The following TXNDC17 variants were observed in gnomAD, a reference collection of about 807,000 sequenced individuals.
TXNDC17 encodes the protein thioredoxin domain containing 17.
TXNDC17 carries 12 observed loss-of-function variants against 16.3 expected under a neutral mutation model. The observed-to-expected ratio is 0.74, with a 90% CI of 0.47 to 1.19. The LOEUF is 1.19. Among genes scored for constraint, TXNDC17 ranks in the 50% most tolerant of loss-of-function variants. The pLI is 0.00. For synonymous variants in TXNDC17, 62 were observed against 55.0 expected (o/e 1.13, Z -0.56); for missense variants, 158 against 149.7 (o/e 1.06, Z -0.29).
chr17:6,641,459 T>A (rs1972664585), intron 1 of TXNDC17: 7 of 648,136 alleles, frequency 1.1e-5, no homozygotes, highest in African/African-American at 5.5e-5. Context: ...AACTTCTCAC[T>A]CCCCCAGTAC....
chr17:6,642,557 CAT>C (rs1278514750), intron 3 of TXNDC17: 2 of 485,050 alleles, frequency 4.1e-6, no homozygotes, highest in East Asian at 6.9e-5. Flanking sequence ...TAGGTTGACT[CAT>C]AATTCCTTAA....
In TXNDC17 at chr17:6,643,022, T is replaced by G. The variant is rs1219257327; in HGVS notation, c.*3T>G. 2 of 1,612,932 alleles carry G rather than the reference T, an allele frequency of 1.2e-6. No homozygotes were observed. The highest frequency in any genetic ancestry group is 1.7e-6 in the Non-Finnish European group (2 of 1,179,162). Reference sequence around the variant, plus strand: ...AAATGTTGTTCTCTGAAGATTAAGATTTTAGGATGGCAATCATGTCTTGAT... The same window carrying G: ...AAATGTTGTTCTCTGAAGATTAAGAGTTTAGGATGGCAATCATGTCTTGAT... On this transcript the variant is annotated 3_prime_UTR_variant, in exon 4 of 4. Transcript: ENST00000250101.
intron 1 of TXNDC17, 172 bp downstream of exon 1, chr17:6,641,399 C>G: frequency 1.0e-6 from 1 of 979,422 alleles, no homozygotes; most frequent in East Asian, 2.6e-5. Flanking sequence ...GCCAAGAGCG[C>G]TCTTCCTTTT....
chr17:6,642,639 A>T, intron 3 of TXNDC17: 1 of 459,632 alleles, frequency 2.2e-6, no homozygotes, highest in Admixed American at 4.0e-5. Context: ...CATCTCTTCT[A>T]GTTCAGTCAT....
At chr17:6,642,000 G>T (rs1972686224) in intron 2 of TXNDC17, 166 bp downstream of exon 2, 1 of 735,930 alleles carries the variant, frequency 1.4e-6, no homozygotes, top group Admixed American at 2.5e-5. Flanking sequence ...CCTGAATTAA[G>T]TAAGGGTAAT....
chr17:6,641,149 A>G lies in TXNDC17; in HGVS notation c.67A>G (p.Asn23Asp). 6.2e-7 allele frequency: 1 copy of G among 1,613,834 alleles called. No homozygotes were observed. Among genetic ancestry groups the G allele is most frequent in the Non-Finnish European group, 8.5e-7 (1 of 1,180,016 alleles). Reference protein sequence around the residue: ...EEFHRAVEQHNGKTIFAYFTG... With the variant: ...EEFHRAVEQHDGKTIFAYFTG... ...GTTCCACCGGGCCGTGGAACAGCAC[A>G]ATGGCAAGACCATTTTCGCCTACTT... is the stretch of plus-strand genomic sequence containing the variant. The change falls in exon 1 of 4, where the codon AAT becomes GAT. Residue 23 changes from asparagine to aspartate, a missense_variant. Transcript: ENST00000250101.
In TXNDC17 at chr17:6,644,274, G is replaced by GAAAT. The variant is rs1972735927; in HGVS notation, c.*1256_*1259dup. The GAAAT allele has an allele frequency of 1.7e-6, 1 of 592,524 alleles. No homozygotes were observed. The highest frequency in any genetic ancestry group is 3.9e-5 in the Admixed American group (1 of 25,910). 36.7% of individuals were successfully genotyped at this position (592,524 alleles called of 1,614,324 possible). On this transcript the variant is annotated 3_prime_UTR_variant, in exon 4 of 4. Transcript: ENST00000250101. ...GAAAAACACCTTACAAATCCACAGG[G>GAAAT]AAATCAAAGAACAATTCAGGTTTAA...
At position 6,641,806 on chromosome 17, in the gene TXNDC17, A is replaced by G. The variant is rs1972678062; in HGVS notation, c.199A>G (p.Ile67Val). 6.2e-7 allele frequency: 1 copy of G among 1,614,044 alleles called. No individual in the cohort carries two copies. The highest frequency in any genetic ancestry group is 1.3e-5 in the African/African-American group (1 of 74,930). The change falls in exon 2 of 4, where the codon ATC (isoleucine) becomes GTC (valine). Residue 67 changes from isoleucine (I) to valine (V), a missense_variant. By Grantham distance (29) the Ile-to-Val change is conservative. Coordinates refer to ENST00000250101, the MANE Select transcript of TXNDC17 (RefSeq NM_032731.4). ...LKHISEGCVF[I>V]YCQVGEKPYW... The stretch of plus-strand genomic sequence containing the variant: ...GCACATTAGTGAAGGATGTGTGTTC[A>G]TCTACTGCCAAGTAGGAGAAAAGCC...
chr17:6,643,109 A>G lies in TXNDC17; in HGVS notation c.*90A>G, dbSNP rs1047822849. ...TGCTTTGAATTCATGTTAGCAATAA[A>G]TGATGTTAAAAAAACTGGCATGTGT... On this transcript the variant is annotated 3_prime_UTR_variant, in exon 4 of 4. Transcript: ENST00000250101. The G allele has an allele frequency of 4.9e-6, 6 of 1,218,300 alleles. No homozygotes were observed. Among genetic ancestry groups the G allele is most frequent in the East Asian group, 4.7e-5 (2 of 42,194 alleles). The allele number at this position is 1,218,300 out of a possible 1,614,324, so 75.5% of individuals were successfully genotyped here.
rs754654312 is a variant in TXNDC17 at position 6,641,211 on chromosome 17, C to T, written c.129C>T (p.Cys43=). 2.5e-6 allele frequency: 4 copies of T among 1,613,470 alleles called. No homozygotes were observed. The highest frequency in any genetic ancestry group is 1.1e-5 in the South Asian group (1 of 91,086). Residue 43 remains cysteine, a synonymous_variant, in exon 1 of 4, where the codon TGC becomes TGT. Coordinates refer to ENST00000250101, the MANE Select transcript of TXNDC17 (RefSeq NM_032731.4). ...AGGACGCCGGGGGGAAAAGCTGGTG[C>T]CCCGACTGCGTGCAGGGTGAGGCCG... ...GSKDAGGKSW[C]PDCVQAEPVV...
At chr17:6,641,668 C>T (rs1972671837) in intron 1 of TXNDC17, 85 bp from the exon 2 acceptor site, 8 of 1,334,114 alleles carry the variant, frequency 6.0e-6, no homozygotes, top group East Asian at 4.8e-5. Context: ...CTTACCAAGA[C>T]TGGGGGAAGG....
Position 6,642,955 on chromosome 17 carries a change from A to C in TXNDC17, c.308A>C (p.Gln103Pro). ...VPTLLKYGTP[Q>P]KLVESECLQA... ...TTGACTGTTTTTCTCTTACAGCCTC[A>C]AAAACTGGTAGAATCTGAGTGTCTT... The change falls in exon 4 of 4, where the codon CAA (glutamine) becomes CCA (proline). Residue 103 changes from glutamine (Q) to proline (P), a missense_variant. By Grantham distance (76) the Gln-to-Pro change is moderately conservative. Transcript: ENST00000250101. 1.2e-6 allele frequency: 2 copies of C among 1,612,920 alleles called. No homozygotes were observed. Among genetic ancestry groups the C allele is most frequent in the Non-Finnish European group, 1.7e-6 (2 of 1,179,126 alleles).
chr17:6,642,120 G>A (rs1158506752), intron 2 of TXNDC17, 129 bp from the exon 3 acceptor site: 14 of 703,598 alleles, frequency 2.0e-5, no homozygotes, highest in East Asian at 5.4e-5. Flanking sequence ...GCCATAGTCC[G>A]CAAGGTTTTT....
intron 2 of TXNDC17, 68 bp downstream of exon 2, chr17:6,641,902 AG>A: frequency 7.2e-7 from 1 of 1,386,248 alleles, no homozygotes; most frequent in South Asian, 1.2e-5. Flanking sequence ...GAAGGGCCTC[AG>A]GGACTTACTT....
intron 3 of TXNDC17, 149 bp from the exon 4 acceptor site, chr17:6,642,802 T>A (rs2150946492): frequency 1.6e-6 from 1 of 630,628 alleles, no homozygotes; most frequent in East Asian, 2.8e-5. Context: ...ATATATTGAT[T>A]CTTTCATAAA....
rs1034579247 is a variant in TXNDC17 at position 6,641,238 on chromosome 17, G to A, written c.145+11G>A. ...CCGACTGCGTGCAGGGTGAGGCCGG[G>A]ATTCGGGGGCTGCTGTCCAATGGAA... On this transcript the variant is annotated intron_variant, in intron 1 of 3. Transcript: ENST00000250101. The A allele has an allele frequency of 6.2e-7, 1 of 1,613,118 alleles. No individual in the cohort carries two copies. The highest frequency in any genetic ancestry group is 1.1e-5 in the South Asian group (1 of 91,068).
rs766098533 is a variant in TXNDC17, at chr17:6,641,200, A to G, written c.118A>G (p.Lys40Glu). The G allele has an allele frequency of 6.4e-5, 104 of 1,613,298 alleles. No individual in the cohort carries two copies. In the Admixed American group the frequency reaches 1.5e-3, roughly 23 times the overall value. The change falls in exon 1 of 4, where the codon AAA becomes GAA. Residue 40 changes from lysine (K) to glutamate (E), a missense_variant. By Grantham distance (56) the Lys-to-Glu change is moderately conservative (BLOSUM62 1). Transcript: ENST00000250101. ...YFTGSKDAGG[K>E]SWCPDCVQAE... ...TACGGGTTCTAAGGACGCCGGGGGG[A>G]AAAGCTGGTGCCCCGACTGCGTGCA...
At position 6,643,624 on chromosome 17, in the gene TXNDC17, G is replaced by C. The variant is rs1972725018; in HGVS notation, c.*605G>C. The C allele has an allele frequency of 1.3e-5, 2 of 153,172 alleles. No homozygotes were observed. The highest frequency in any genetic ancestry group is 6.5e-5 in the Admixed American group (1 of 15,312). 9.5% of individuals were successfully genotyped at this position (153,172 alleles called of 1,614,324 possible). A position where few individuals can be genotyped will look rare whatever the true frequency, so the allele number is the denominator to read the frequency against. On this transcript the variant is annotated 3_prime_UTR_variant, in exon 4 of 4. Transcript: ENST00000250101. Reference sequence around the variant, plus strand: ...TTCTGGGAAGAACTCCAAGCTGGGAGTCAGTCACACTGACTCTACCACTTA... The same window carrying C: ...TTCTGGGAAGAACTCCAAGCTGGGACTCAGTCACACTGACTCTACCACTTA...
At chr17:6,641,892 G>A in intron 2 of TXNDC17, 58 bp downstream of exon 2, 2 of 1,508,192 alleles carry the variant, frequency 1.3e-6, no homozygotes, top group Non-Finnish European at 1.8e-6. Flanking sequence ...ACTTAGGCGG[G>A]AAGGGCCTCA....
Sources: allele counts gnomAD v4.1 joint callset, GRCh38; gene constraint gnomAD v4.1.1; transcripts MANE v1.5; gene names NCBI Gene and HGNC (gene_info 2026-07-23, HGNC 2026-07-21).